ATG4C: variants seen among roughly 807,000 people sequenced by gnomAD.
ATG4C encodes the protein autophagy related 4C cysteine peptidase.
A neutral mutation model predicts 57.6 loss-of-function variants in ATG4C; 56 were observed. The observed-to-expected ratio is 0.97, with a 90% CI of 0.78 to 1.21. The LOEUF (loss-of-function observed/expected upper bound fraction) is 1.21. Ranked by LOEUF, ATG4C falls within the 50% of genes most tolerant of loss-of-function variation. ATG4C has a pLI of 0.00. For synonymous variants in ATG4C, 157 were observed against 174.1 expected (o/e 0.90, Z 0.78); for missense variants, 595 against 529.8 (o/e 1.12, Z -1.21).
At chr1:62,805,393 T>A in intron 3 of ATG4C, 138 bp downstream of exon 3, 1 of 1,211,818 alleles carries the variant, frequency 8.3e-7, no homozygotes, top group Non-Finnish European at 1.1e-6. Flanking sequence ...CATAATATAT[T>A]ACTATGTTGT....
At chr1:62,808,528 C>A (rs1175484012) in intron 3 of ATG4C, among the ~76,000 whole-genome samples, 4 of 151,644 alleles carry the variant, frequency 2.6e-5, no homozygotes, top group Admixed American at 2.6e-4. Flanking sequence ...AAATATCTAT[C>A]TTTAAGGATA....
intron 1 of ATG4C, among the ~76,000 whole-genome samples, chr1:62,790,260 A>G (rs1443322584): frequency 6.6e-6 from 1 of 152,186 alleles, no homozygotes; most frequent in Non-Finnish European, 1.5e-5. Context: ...GATACCTTCA[A>G]TTCAAATTCA....
intron 1 of ATG4C, among the ~76,000 whole-genome samples, chr1:62,789,649 T>C (rs1664203238): frequency 1.3e-5 from 2 of 149,728 alleles, no homozygotes; most frequent in Admixed American, 6.6e-5. Context: ...CCATCTCTAC[T>C]AAAAAATAAA....
chr1:62,864,975 A>G lies in ATG4C; in HGVS notation c.*816A>G, dbSNP rs965788669. On this transcript the variant is annotated 3_prime_UTR_variant, in exon 11 of 11. Transcript: ENST00000317868. ...GAAAGATGTCACTAGATTCTCTTCT[A>G]TGTGATTTTTGTTTTTTATATAAAG... 2 of 151,878 alleles carry G rather than the reference A, an allele frequency of 1.3e-5. No homozygotes were observed. The highest frequency in any genetic ancestry group is 2.4e-5 in the African/African-American group (1 of 41,436). 9.4% of individuals were successfully genotyped at this position (151,878 alleles called of 1,614,324 possible).
chr1:62,805,601 G>A (rs1156788912), intron 3 of ATG4C, among the ~76,000 whole-genome samples: 1 of 152,046 alleles, frequency 6.6e-6, no homozygotes, highest in Non-Finnish European at 1.5e-5. Context: ...TCTTAAGGAT[G>A]TTTCAGTATC....
chr1:62,834,772 G>T lies in ATG4C; in HGVS notation c.1013-4G>T. On this transcript the variant is annotated splice_polypyrimidine_tract_variant and splice_region_variant and intron_variant, in intron 8 of 10. Transcript: ENST00000317868. ...ATTACTTGTCTTCTGTTTTGTCCTT[G>T]TAGATGACAGTTTGATTTACATGGA... The T allele has an allele frequency of 6.2e-7, 1 of 1,609,060 alleles. No individual in the cohort carries two copies. The highest frequency in any genetic ancestry group is 8.5e-7 in the Non-Finnish European group (1 of 1,176,376).
At chr1:62,787,231 A>C (rs1664120038) in intron 1 of ATG4C, among the ~76,000 whole-genome samples, 2 of 152,136 alleles carry the variant, frequency 1.3e-5, no homozygotes, top group South Asian at 2.1e-4. Flanking sequence ...GAGTAATACT[A>C]TGCCTAAAAT....
chr1:62,851,556 T>A lies in ATG4C; in HGVS notation c.1209+10009T>A, dbSNP rs145789950. Among the ~76,000 whole-genome samples the A allele has an allele frequency of 5.6e-3, 859 of 152,304 alleles. 6 individuals carry two copies. The highest frequency in any genetic ancestry group is 0.02 in the African/African-American group (819 of 41,570). On this transcript the variant is annotated intron_variant, in intron 10 of 10. Coordinates refer to ENST00000317868, the MANE Select transcript of ATG4C (RefSeq NM_032852.4). The stretch of plus-strand genomic sequence containing the variant: ...TGGTTTTACCATAGGATAATTGATA[T>A]AAACAAGAGTTAAGTTCCTAAGACA...
At chr1:62,824,457 G>A (rs7519205) in intron 6 of ATG4C, among the ~76,000 whole-genome samples, 58,203 of 151,904 alleles carry the variant, frequency 0.38, 11,907 homozygotes, top group East Asian at 0.66. Flanking sequence ...TTTCCTATTC[G>A]GCTCTTCTGG....
At chr1:62,804,370 G>A (rs1027517811) in intron 2 of ATG4C, among the ~76,000 whole-genome samples, 8 of 151,938 alleles carry the variant, frequency 5.3e-5, no homozygotes, top group African/African-American at 1.2e-4. Flanking sequence ...GATTACAGGC[G>A]TGAGCCACTG....
intron 10 of ATG4C, among the ~76,000 whole-genome samples, chr1:62,853,589 G>T (rs1486030377): frequency 1.1e-4 from 17 of 152,136 alleles, no homozygotes; most frequent in Non-Finnish European, 1.5e-5. Flanking sequence ...TGGGACCACA[G>T]GTGTGTACCA....
chr1:62,829,205 G>A, intron 7 of ATG4C, 29 bp downstream of exon 7: 2 of 1,607,828 alleles, frequency 1.2e-6, no homozygotes, highest in South Asian at 2.2e-5. Context: ...ACTTTTTTAG[G>A]GCAATACTAG....
chr1:62,821,713 T>G (rs1665488484), intron 6 of ATG4C, among the ~76,000 whole-genome samples: 1 of 152,144 alleles, frequency 6.6e-6, no homozygotes, highest in South Asian at 2.1e-4. Context: ...TCCAAAATGT[T>G]TGAGACCACA....
chr1:62,829,046 A>T lies in ATG4C; in HGVS notation c.803A>T (p.Asn268Ile), dbSNP rs970990259. The change falls in exon 7 of 11, where the codon AAT becomes ATT. Residue 268 changes from asparagine to isoleucine, a missense_variant. Asn to Ile is a moderately radical substitution (Grantham distance 149, BLOSUM62 -3). Coordinates refer to ENST00000317868, the MANE Select transcript of ATG4C (RefSeq NM_032852.4). Reference protein sequence around the residue: ...IYVAQDCTVYNSDVIDKQSAS... With the variant: ...IYVAQDCTVYISDVIDKQSAS... ...TTCATTATGTTTTTCTCAGTTTACA[A>T]TTCTGATGTAATTGATAAACAGAGT... is the stretch of plus-strand genomic sequence containing the variant. The T allele has an allele frequency of 6.2e-7, 1 of 1,607,942 alleles. No homozygotes were observed. Among genetic ancestry groups the T allele is most frequent in the East Asian group, 2.2e-5 (1 of 44,726 alleles).
chr1:62,793,133 G>A (rs1372700575), intron 1 of ATG4C, among the ~76,000 whole-genome samples: 3 of 151,512 alleles, frequency 2.0e-5, no homozygotes, highest in South Asian at 2.1e-4. Flanking sequence ...TGATTCGCCC[G>A]CCTCGGCCTC....
intron 9 of ATG4C, among the ~76,000 whole-genome samples, chr1:62,837,154 T>C (rs1572152017): frequency 6.6e-6 from 1 of 152,220 alleles, no homozygotes; most frequent in South Asian, 2.1e-4. Flanking sequence ...TATTAATGTT[T>C]AATTCTTGTG....
At chr1:62,799,887 T>G (rs1664599522) in intron 1 of ATG4C, among the ~76,000 whole-genome samples, 1 of 151,050 alleles carries the variant, frequency 6.6e-6, no homozygotes, top group Non-Finnish European at 1.5e-5. Context: ...TTTTTTTTTG[T>G]ACCCATTAAC....
rs150671101 is a variant in ATG4C, at chr1:62,846,990, A to G, written c.1209+5443A>G. Among the ~76,000 whole-genome samples the G allele has an allele frequency of 2.7e-3, 418 of 152,254 alleles. 3 individuals are homozygous for G. The highest frequency in any genetic ancestry group is 9.4e-3 in the African/African-American group (390 of 41,536). ...TCAGGAGTTCAAAACCAGTCTGGCC[A>G]ACATGGTGAAACTCCGTCTCTACTA... On this transcript the variant is annotated intron_variant, in intron 10 of 10. Transcript: ENST00000317868.
intron 1 of ATG4C, among the ~76,000 whole-genome samples, chr1:62,799,870 C>A (rs958856173): frequency 2.7e-5 from 4 of 145,796 alleles, no homozygotes; most frequent in African/African-American, 1.1e-4. Context: ...TTCATTCTTT[C>A]TATTTTTTTT....
Sources: gnomAD v4.1 joint callset for allele counts (sites outside exome capture counted in the v4.1 genomes callset) on GRCh38, gnomAD v4.1.1 for gene constraint, MANE v1.5 for transcripts, NCBI Gene and HGNC (gene_info 2026-07-23, HGNC 2026-07-21) for gene names.